The following KDM4C variants were observed in gnomAD, a reference collection of about 807,000 sequenced individuals.
KDM4C encodes the protein lysine-specific demethylase 4C.
A neutral mutation model predicts 129.3 loss-of-function variants in KDM4C; 81 were observed. The observed-to-expected ratio is 0.63, with a 90% CI of 0.52 to 0.75. KDM4C has a LOEUF of 0.75. KDM4C is among the 30% of genes least tolerant of loss of function. The probability of loss-of-function intolerance (pLI) is 0.00; values close to 1 mark genes in which losing one functional copy is unlikely to be tolerated. For missense variants in KDM4C, 1,457 were observed against 1,304.0 expected (o/e 1.12, Z -1.81); for synonymous variants, 573 against 456.1 (o/e 1.26, Z -3.26).
intron 1 of KDM4C, chr9:6,748,559 T>C (rs1817960725): frequency 8.3e-6 from 4 of 482,840 alleles, no homozygotes; most frequent in Non-Finnish European, 1.1e-5. Context: ...TTAGTTTTAA[T>C]ACAAACAATC....
At chr9:6,915,193 A>G (rs1349681453) in intron 8 of KDM4C, among the ~76,000 whole-genome samples, 3 of 152,180 alleles carry the variant, frequency 2.0e-5, no homozygotes, top group Non-Finnish European at 2.9e-5. Context: ...AGCTCACCCT[A>G]TATTGTCTTA....
At chr9:6,784,364 G>A (rs1281565116) in intron 1 of KDM4C, among the ~76,000 whole-genome samples, 1 of 152,140 alleles carries the variant, frequency 6.6e-6, no homozygotes, top group Non-Finnish European at 1.5e-5. Flanking sequence ...AAGTAGCTGG[G>A]ACTACGGGTA....
At chr9:6,727,910 C>T (rs1817190945) in intron 1 of KDM4C, among the ~76,000 whole-genome samples, 1 of 151,356 alleles carries the variant, frequency 6.6e-6, no homozygotes, top group Admixed American at 6.6e-5. Context: ...CCCCAAAAAG[C>T]AAATGGATAA....
intron 8 of KDM4C, among the ~76,000 whole-genome samples, chr9:6,917,596 C>G (rs1820552303): frequency 6.6e-6 from 1 of 152,132 alleles, no homozygotes; most frequent in African/African-American, 2.4e-5. Context: ...ATTTCCTATC[C>G]CTAAATTCTA....
intron 1 of KDM4C, among the ~76,000 whole-genome samples, chr9:6,788,559 C>G (rs1208472925): frequency 6.6e-6 from 1 of 152,214 alleles, no homozygotes; most frequent in Non-Finnish European, 1.5e-5. Context: ...CTTTCCTTTT[C>G]CTGAATTTGG....
intron 8 of KDM4C, among the ~76,000 whole-genome samples, chr9:6,916,517 C>G (rs1346570490): frequency 6.6e-6 from 1 of 152,092 alleles, no homozygotes; most frequent in African/African-American, 2.4e-5. Flanking sequence ...GCATTGGCCT[C>G]CCAAAGTGCT....
At chr9:6,849,897 C>A (rs77902741) in intron 5 of KDM4C, among the ~76,000 whole-genome samples, 197 bp downstream of exon 5, 1 of 152,108 alleles carries the variant, frequency 6.6e-6, no homozygotes, top group Non-Finnish European at 1.5e-5. Context: ...CATGGTAACT[C>A]GTACAGTCAT....
At chr9:6,883,850 G>A (rs920487749) in intron 6 of KDM4C, among the ~76,000 whole-genome samples, 2 of 152,024 alleles carry the variant, frequency 1.3e-5, no homozygotes, top group Non-Finnish European at 2.9e-5. Context: ...TGACTTGTGC[G>A]TAGATTATCC....
chr9:7,026,466 C>G (rs1022477673), intron 15 of KDM4C, among the ~76,000 whole-genome samples: 1 of 152,032 alleles, frequency 6.6e-6, no homozygotes, highest in African/African-American at 2.4e-5. Flanking sequence ...ATATTTGGAG[C>G]TCCATTGAAT....
intron 8 of KDM4C, among the ~76,000 whole-genome samples, chr9:6,923,819 C>G (rs1408006561): frequency 6.6e-6 from 1 of 152,164 alleles, no homozygotes; most frequent in East Asian, 1.9e-4. Context: ...CCAGTCTTCT[C>G]TTTTTGGGGG....
intron 1 of KDM4C, among the ~76,000 whole-genome samples, chr9:6,778,790 G>A (rs923605123): frequency 6.8e-6 from 1 of 147,688 alleles, no homozygotes; most frequent in African/African-American, 2.5e-5. Context: ...TGTGAGATTC[G>A]TCTATCTAGG....
intron 1 of KDM4C, among the ~76,000 whole-genome samples, chr9:6,792,185 A>G (rs1216487934): frequency 1.3e-5 from 2 of 151,860 alleles, no homozygotes; most frequent in East Asian, 3.9e-4. Context: ...TACTAAAAAT[A>G]CAAAAAAGGT....
At chr9:6,828,209 G>T (rs1243584138) in intron 4 of KDM4C, among the ~76,000 whole-genome samples, 2 of 151,910 alleles carry the variant, frequency 1.3e-5, no homozygotes, top group African/African-American at 2.4e-5. Context: ...GTGCAGTGGC[G>T]TGATCTCAGC....
intron 1 of KDM4C, among the ~76,000 whole-genome samples, chr9:6,773,466 G>C (rs945286135): frequency 6.6e-6 from 1 of 152,076 alleles, no homozygotes; most frequent in Non-Finnish European, 1.5e-5. Context: ...TAATCTGTCA[G>C]TTTAATTTGT....
At chr9:7,018,419 C>G (rs1824070020) in intron 15 of KDM4C, among the ~76,000 whole-genome samples, 1 of 152,186 alleles carries the variant, frequency 6.6e-6, no homozygotes. Context: ...TTAACACAGC[C>G]AGGAAGTCCT....
chr9:6,873,915 CGA>C (rs370139035), intron 5 of KDM4C, among the ~76,000 whole-genome samples: 23 of 112,610 alleles, frequency 2.0e-4, no homozygotes, highest in Admixed American at 3.7e-4. Context: ...AGAGAGAGAG[CGA>C]GAGAGAGAGA....
At chr9:7,096,243 C>G (rs1243612112) in intron 17 of KDM4C, among the ~76,000 whole-genome samples, 1 of 152,186 alleles carries the variant, frequency 6.6e-6, no homozygotes, top group African/African-American at 2.4e-5. Flanking sequence ...CTGCTGTGTG[C>G]TATCAGCGAA....
At chr9:6,790,320 C>T (rs549230773) in intron 1 of KDM4C, among the ~76,000 whole-genome samples, 1 of 151,288 alleles carries the variant, frequency 6.6e-6, no homozygotes, top group East Asian at 2.0e-4. Flanking sequence ...GGCTCACTCA[C>T]TGCAAGCTCC....
intron 8 of KDM4C, among the ~76,000 whole-genome samples, chr9:6,971,903 C>T (rs1832046967): frequency 6.6e-6 from 1 of 152,128 alleles, no homozygotes; most frequent in Admixed American, 6.5e-5. Flanking sequence ...ACATTGCTGG[C>T]ATTACTCTAG....
Sources: gnomAD v4.1 joint callset for allele counts (sites outside exome capture counted in the v4.1 genomes callset) on GRCh38, gnomAD v4.1.1 for gene constraint, MANE v1.5 for transcripts, NCBI Gene and HGNC (gene_info 2026-07-23, HGNC 2026-07-21) for gene names.